NHS: variants seen among roughly 807,000 people sequenced by gnomAD.
The protein encoded by NHS is actin remodeling regulator NHS.
A neutral mutation model predicts 72.5 loss-of-function variants in NHS; 5 were observed. That is an observed-to-expected ratio of 0.07 (90% CI 0.04 to 0.14). The LOEUF (loss-of-function observed/expected upper bound fraction) is 0.14, where lower values mean the gene tolerates loss of function less well. NHS is among the 10% of genes least tolerant of loss of function. NHS has a pLI of 1.00. For synonymous variants in NHS, 464 were observed against 547.7 expected (o/e 0.85, Z 2.13); for missense variants, 1,072 against 1,355.7 (o/e 0.79, Z 3.29).
intron 1 of NHS, chrX:17,687,439 A>C (rs2066169368): frequency 6.3e-6 from 2 of 318,017 alleles, no homozygotes; most frequent in Non-Finnish European, 1.1e-5. Context: ...GGGGCTTGTC[A>C]GTGTTGATGA....
At position 17,728,867 on chromosome X, in the gene NHS, C is replaced by CT. The variant is rs1412597825; in HGVS notation, c.4349+97dup. The CT allele has an allele frequency of 4.5e-6, 5 of 1,107,649 alleles. No individual in the cohort carries two copies. In the Admixed American group the frequency reaches 6.7e-5, roughly 15 times the overall value. 91.3% of individuals were successfully genotyped at this position (1,107,649 alleles called of 1,213,427 possible). ...TCTCACAAATGCAAATACAGGAAAG[C>CT]TTTTTGTAATTGTAATACATTCAGC... On this transcript the variant is annotated intron_variant, in intron 8 of 8. Transcript: ENST00000676302.
At chrX:17,531,921 T>C (rs752718811) in intron 1 of NHS, among the ~76,000 whole-genome samples, 2 of 112,455 alleles carry the variant, frequency 1.8e-5, no homozygotes, top group South Asian at 7.4e-4. Context: ...CTTTTTGCCC[T>C]ATGCAGTTAT....
intron 1 of NHS, among the ~76,000 whole-genome samples, chrX:17,510,405 A>G: frequency 8.9e-6 from 1 of 112,093 alleles, no homozygotes; most frequent in East Asian, 2.8e-4. Context: ...TCATGAATTT[A>G]CTGGTCTGCA....
intron 1 of NHS, among the ~76,000 whole-genome samples, chrX:17,501,693 A>G (rs1463052507): frequency 8.9e-6 from 1 of 112,584 alleles, no homozygotes; most frequent in Admixed American, 9.4e-5. Context: ...CACCAACTGC[A>G]CTCCAGCCTG....
At chrX:17,456,521 C>T (rs1407604594) in intron 1 of NHS, among the ~76,000 whole-genome samples, 1 of 112,249 alleles carries the variant, frequency 8.9e-6, no homozygotes, top group Non-Finnish European at 1.9e-5. Flanking sequence ...AGAAGAGAAC[C>T]AGTTGCAGCT....
intron 1 of NHS, among the ~76,000 whole-genome samples, chrX:17,619,540 G>A (rs980721776): frequency 2.7e-5 from 3 of 112,073 alleles, no homozygotes; most frequent in Non-Finnish European, 3.8e-5. Context: ...ACAGTAGGTC[G>A]TGAAAATGCA....
At chrX:17,532,470 C>T (rs1444256348) in intron 1 of NHS, among the ~76,000 whole-genome samples, 1 of 111,675 alleles carries the variant, frequency 9.0e-6, no homozygotes. Flanking sequence ...ACAGTATGGA[C>T]GATGGCACCA....
chrX:17,699,338 T>C (rs2066248860), intron 3 of NHS, among the ~76,000 whole-genome samples: 1 of 111,880 alleles, frequency 8.9e-6, no homozygotes, highest in South Asian at 3.7e-4. Flanking sequence ...TATTGTGGTA[T>C]TGGCACATGA....
At chrX:17,409,374 GTTT>G (rs61181196) in intron 1 of NHS, among the ~76,000 whole-genome samples, 2 of 97,224 alleles carry the variant, frequency 2.1e-5, no homozygotes, top group Non-Finnish European at 4.1e-5. Context: ...CTTCCATTAT[GTTT>G]TTTTTTTTTT....
Position 17,712,700 on chromosome X carries a change from G to A in NHS, c.853-6644G>A, listed in dbSNP as rs1231275807. Among the ~76,000 whole-genome samples the A allele has an allele frequency of 2.7e-5, 3 of 109,591 alleles. No homozygotes were observed. The East Asian group carries it at 8.7e-4, about 32-fold the overall frequency. On this transcript the variant is annotated intron_variant, in intron 3 of 8. Transcript: ENST00000676302. ...TGGATTGGGTTTTTCATGATTTGTT[G>A]TCAGCACCCTAATAAGGGTGCATTT...
At chrX:17,396,605 A>G (rs2064476145) in intron 1 of NHS, among the ~76,000 whole-genome samples, 1 of 111,782 alleles carries the variant, frequency 8.9e-6, no homozygotes, top group African/African-American at 3.3e-5. Context: ...AACTAATGAA[A>G]ATTTGAAAAA....
chrX:17,611,688 GACAA>G (rs771278939), intron 1 of NHS, among the ~76,000 whole-genome samples: 1 of 111,268 alleles, frequency 9.0e-6, no homozygotes, highest in African/African-American at 3.3e-5. Flanking sequence ...ATTTTCAGCA[GACAA>G]ACAAGAACCA....
intron 1 of NHS, among the ~76,000 whole-genome samples, chrX:17,625,755 C>T (rs948848779): frequency 9.8e-5 from 11 of 111,692 alleles, no homozygotes; most frequent in African/African-American, 3.2e-4. Flanking sequence ...CCACTCTTTT[C>T]AAAATATTAT....
At chrX:17,379,135 C>T (rs767476035) in intron 1 of NHS, among the ~76,000 whole-genome samples, 1 of 109,475 alleles carries the variant, frequency 9.1e-6, no homozygotes, top group African/African-American at 3.3e-5. Flanking sequence ...ATCCTCATTC[C>T]CCTGCGTAAT....
intron 1 of NHS, among the ~76,000 whole-genome samples, chrX:17,499,001 A>T (rs753751315): frequency 9.8e-5 from 11 of 111,839 alleles, no homozygotes; most frequent in African/African-American, 3.6e-4. Flanking sequence ...TAATACAGTA[A>T]ACTTCCCTCA....
chrX:17,476,826 C>A (rs954997549), intron 1 of NHS, among the ~76,000 whole-genome samples: 1 of 111,925 alleles, frequency 8.9e-6, no homozygotes, highest in Non-Finnish European at 1.9e-5. Context: ...GGCAGAGTGA[C>A]CTTCTACAGT....
rs1028881504 is a variant in NHS, at chrX:17,518,455, G to A, written c.565+142133G>A. 2.7e-5 allele frequency among the ~76,000 whole-genome samples: 3 copies of A among 111,857 alleles called. No homozygotes were observed. The South Asian group carries it at 1.1e-3, about 42-fold the overall frequency. ...CCCAAGTTAGCTCATAGCTGTCATG[G>A]CCTGCCTCTCCCCGCCCCTCCAGTT... On this transcript the variant is annotated intron_variant, in intron 1 of 8. Transcript: ENST00000676302.
intron 1 of NHS, among the ~76,000 whole-genome samples, chrX:17,468,392 T>G (rs892991780): frequency 2.7e-5 from 3 of 110,421 alleles, no homozygotes; most frequent in Admixed American, 9.7e-5. Flanking sequence ...AGTTGCTGTT[T>G]CCATTCACTC....
intron 1 of NHS, among the ~76,000 whole-genome samples, chrX:17,505,160 T>C (rs1002768759): frequency 8.9e-6 from 1 of 112,033 alleles, no homozygotes; most frequent in African/African-American, 3.2e-5. Flanking sequence ...ACTCATTTTT[T>C]TCATCAGATG....
Sources: allele counts gnomAD v4.1 joint callset (sites outside exome capture counted in the v4.1 genomes callset), GRCh38; gene constraint gnomAD v4.1.1; transcripts MANE v1.5; gene names NCBI Gene and HGNC (gene_info 2026-07-23, HGNC 2026-07-21).